The following CCNY variants were observed in gnomAD, a reference collection of about 807,000 sequenced individuals.
CCNY encodes the protein cyclin-Y.
A neutral mutation model predicts 42.8 loss-of-function variants in CCNY; 19 were observed. The ratio of observed to expected loss-of-function variants is 0.44; its 90% CI spans 0.31 to 0.65. CCNY has a LOEUF of 0.65. Among genes scored for constraint, CCNY ranks in the 30% least tolerant of loss-of-function variants. The pLI is 0.07. For missense variants in CCNY, 370 were observed against 437.3 expected (o/e 0.85, Z 1.37); for synonymous variants, 165 against 162.7 (o/e 1.01, Z -0.11).
chr10:35,372,870 T>TG (rs1462548325), intron 1 of CCNY, among the ~76,000 whole-genome samples: 13 of 152,088 alleles, frequency 8.5e-5, no homozygotes, highest in Non-Finnish European at 1.5e-4. Context: ...TGGCTAATTT[T>TG]TGTATTTTTT....
At chr10:35,375,381 T>C (rs939610189) in intron 1 of CCNY, among the ~76,000 whole-genome samples, 1 of 152,236 alleles carries the variant, frequency 6.6e-6, no homozygotes, top group African/African-American at 2.4e-5. Flanking sequence ...CTTCTCTCTC[T>C]GGCTCTCCTG....
chr10:35,404,859 C>G (rs1186899395), intron 1 of CCNY, among the ~76,000 whole-genome samples: 2 of 152,070 alleles, frequency 1.3e-5, no homozygotes, highest in Non-Finnish European at 2.9e-5. Flanking sequence ...TAGGGGCTGT[C>G]CACGAAGCCT....
At chr10:35,487,054 G>A (rs1336673767) in intron 2 of CCNY, among the ~76,000 whole-genome samples, 1 of 152,222 alleles carries the variant, frequency 6.6e-6, no homozygotes, top group Non-Finnish European at 1.5e-5. Flanking sequence ...GATATTGGAT[G>A]TCAGTATTCC....
chr10:35,270,694 G>C (rs1046069662), intron 3 of CCNY, among the ~76,000 whole-genome samples: 16 of 149,486 alleles, frequency 1.1e-4, no homozygotes, highest in Non-Finnish European at 1.8e-4. Context: ...ACCCCTTTTC[G>C]CAATTCTTAG....
At chr10:35,554,998 G>A (rs1312925386) in intron 8 of CCNY, among the ~76,000 whole-genome samples, 9 of 152,098 alleles carry the variant, frequency 5.9e-5, no homozygotes, top group Admixed American at 5.9e-4. Context: ...TAAGATCAAT[G>A]GAAAATCCTC....
At chr10:35,553,597 A>G (rs1306071363) in intron 8 of CCNY, among the ~76,000 whole-genome samples, 1 of 152,248 alleles carries the variant, frequency 6.6e-6, no homozygotes, top group African/African-American at 2.4e-5. Context: ...CAAAAAGCAC[A>G]AAAGCTAAAA....
chr10:35,298,241 T>C (rs962971646), intron 3 of CCNY, among the ~76,000 whole-genome samples: 1 of 152,172 alleles, frequency 6.6e-6, no homozygotes, highest in Non-Finnish European at 1.5e-5. Context: ...TTCACAAATA[T>C]AATCTCACCA....
intron 1 of CCNY, among the ~76,000 whole-genome samples, chr10:35,394,185 T>C (rs1019593074): frequency 1.3e-5 from 2 of 152,234 alleles, no homozygotes; most frequent in Non-Finnish European, 2.9e-5. Context: ...GCTATGGTAA[T>C]GCCCAAGTCT....
At chr10:35,356,696 A>G (rs539606060) in intron 1 of CCNY, among the ~76,000 whole-genome samples, 1 of 152,338 alleles carries the variant, frequency 6.6e-6, no homozygotes, top group South Asian at 2.1e-4. Context: ...TAGGGAAAAA[A>G]GACTGGGCTT....
intron 1 of CCNY, among the ~76,000 whole-genome samples, chr10:35,434,586 T>A (rs1053350380): frequency 6.6e-6 from 1 of 152,260 alleles, no homozygotes; most frequent in African/African-American, 2.4e-5. Flanking sequence ...AATTTTGCCC[T>A]TAAGTGATCC....
At chr10:35,542,473 C>T (rs552969354) in intron 7 of CCNY, among the ~76,000 whole-genome samples, 40 of 152,134 alleles carry the variant, frequency 2.6e-4, no homozygotes, top group African/African-American at 7.2e-4. Context: ...GTGTATCCTT[C>T]GAATGAGGTC....
intron 3 of CCNY, among the ~76,000 whole-genome samples, chr10:35,263,356 C>CAAAAAAAAA (rs71523372): frequency 2.3e-5 from 1 of 44,312 alleles, no homozygotes; most frequent in East Asian, 7.8e-4. Flanking sequence ...GACTCCGTCT[C>CAAAAAAAAA]AAAAAAAAAA....
intron 3 of CCNY, among the ~76,000 whole-genome samples, chr10:35,330,433 T>G (rs1018036252): frequency 6.6e-6 from 1 of 152,190 alleles, no homozygotes; most frequent in Non-Finnish European, 1.5e-5. Flanking sequence ...GTACACATGA[T>G]AGCCCCACAG....
intron 3 of CCNY, among the ~76,000 whole-genome samples, chr10:35,502,310 G>A (rs1003913050): frequency 6.6e-6 from 1 of 152,200 alleles, no homozygotes; most frequent in Non-Finnish European, 1.5e-5. Flanking sequence ...ATCAAAATAA[G>A]TATGCTCTAA....
intron 8 of CCNY, 138 bp downstream of exon 8, chr10:35,553,323 CAG>C (rs1196905746): frequency 2.6e-6 from 2 of 772,904 alleles, no homozygotes; most frequent in South Asian, 2.6e-5. Context: ...GCTGTTACAA[CAG>C]GGGCATGGCT....
At chr10:35,419,593 A>T (rs1838113488) in intron 1 of CCNY, among the ~76,000 whole-genome samples, 1 of 149,292 alleles carries the variant, frequency 6.7e-6, no homozygotes, top group Admixed American at 6.7e-5. Context: ...CGGTCTGAGG[A>T]AGTTATTGGA....
Position 35,281,592 on chromosome 10 carries a change from T to C in CCNY, c.-9+30966T>C, listed in dbSNP as rs771088857. Among the ~76,000 whole-genome samples the C allele has an allele frequency of 9.9e-5, 15 of 152,262 alleles. No homozygotes were observed. The South Asian group carries it at 2.5e-3, about 25-fold the overall frequency. On this transcript the variant is annotated intron_variant, in intron 3 of 11. Coordinates refer to the CCNY transcript ENST00000374706. ...GCTTGGGATTACAGGCGTGAGCCACTGCGTCTGGCCTTGTACAGGAATTTT... is the reference window on the plus strand; with the variant it reads ...GCTTGGGATTACAGGCGTGAGCCACCGCGTCTGGCCTTGTACAGGAATTTT...
At chr10:35,325,735 C>T (rs1244859134) in intron 3 of CCNY, among the ~76,000 whole-genome samples, 1 of 152,154 alleles carries the variant, frequency 6.6e-6, no homozygotes, top group Admixed American at 6.6e-5. Flanking sequence ...TCCCAAAGTG[C>T]TGGGATTATA....
At chr10:35,317,307 T>C (rs1051316609) in intron 3 of CCNY, among the ~76,000 whole-genome samples, 5 of 152,228 alleles carry the variant, frequency 3.3e-5, no homozygotes, top group Non-Finnish European at 7.3e-5. Flanking sequence ...AAATACTTTC[T>C]GATCACACTC....
Sources: gnomAD v4.1 joint callset for allele counts (sites outside exome capture counted in the v4.1 genomes callset) on GRCh38, gnomAD v4.1.1 for gene constraint, MANE v1.5 for transcripts, NCBI Gene and HGNC (gene_info 2026-07-23, HGNC 2026-07-21) for gene names.